TMEFF1: variants seen among roughly 807,000 people sequenced by gnomAD.
TMEFF1 encodes transmembrane protein with EGF like and two follistatin like domains 1.
In TMEFF1, 20 loss-of-function variants were observed where a neutral mutation model predicts 47.5. The observed-to-expected ratio is 0.42, with a 90% CI of 0.30 to 0.61. TMEFF1 has a LOEUF of 0.61. Ranked by LOEUF, TMEFF1 falls within the 20% of genes least tolerant of loss-of-function variation. The pLI is 0.19. For synonymous variants in TMEFF1, 162 were observed against 166.3 expected (o/e 0.97, Z 0.20); for missense variants, 411 against 471.1 (o/e 0.87, Z 1.18).
intron 5 of TMEFF1, among the ~76,000 whole-genome samples, chr9:100,539,312 A>C (rs958089813): frequency 2.0e-5 from 3 of 152,160 alleles, no homozygotes; most frequent in African/African-American, 7.2e-5. Context: ...CTGTCCCAGT[A>C]AGCTTTCCTA....
chr9:100,476,721 G>A lies in TMEFF1; in HGVS notation c.196+2981G>A, dbSNP rs187302100. Among the ~76,000 whole-genome samples the A allele has an allele frequency of 2.2e-3, 305 of 139,816 alleles. 1 individual carries two copies. The highest frequency in any genetic ancestry group is 7.7e-3 in the African/African-American group (289 of 37,428). 91.7% of individuals were successfully genotyped at this position (139,816 alleles called of 152,430 possible). ...TTCGTTTTTTTTTTTTTTTGAGACG[G>A]AGTCTCACTCTGTCACCCAGGCTGG... On this transcript the variant is annotated intron_variant, in intron 1 of 9. Transcript: ENST00000374879.
At chr9:100,497,569 T>C (rs932880164) in intron 1 of TMEFF1, among the ~76,000 whole-genome samples, 7 of 151,892 alleles carry the variant, frequency 4.6e-5, no homozygotes, top group African/African-American at 1.7e-4. Flanking sequence ...CCTCGGAGGG[T>C]GAGCTAGGAG....
chr9:100,540,716 C>T (rs2118487410), intron 5 of TMEFF1, among the ~76,000 whole-genome samples: 1 of 152,358 alleles, frequency 6.6e-6, no homozygotes. Context: ...CTTAGCTTCT[C>T]ATCCTTGCCA....
intron 5 of TMEFF1, among the ~76,000 whole-genome samples, chr9:100,542,720 T>G (rs1024089648): frequency 1.3e-5 from 2 of 152,184 alleles, no homozygotes; most frequent in African/African-American, 4.8e-5. Flanking sequence ...AATTCCACTA[T>G]GATATTTCAG....
chr9:100,548,519 A>G (rs1838776917), intron 6 of TMEFF1, among the ~76,000 whole-genome samples: 1 of 152,072 alleles, frequency 6.6e-6, no homozygotes, highest in Admixed American at 6.5e-5. Context: ...AGAGTTCCCA[A>G]TTTTCTTTCC....
intron 7 of TMEFF1, among the ~76,000 whole-genome samples, chr9:100,557,829 G>A (rs1437822661): frequency 2.1e-5 from 3 of 143,504 alleles, no homozygotes; most frequent in African/African-American, 7.7e-5. Context: ...GACCATGCAT[G>A]CTTTTTTTTT....
At chr9:100,527,996 G>A (rs542809294) in intron 5 of TMEFF1, among the ~76,000 whole-genome samples, 20 of 151,946 alleles carry the variant, frequency 1.3e-4, no homozygotes, top group African/African-American at 1.9e-4. Flanking sequence ...CACCTCACAC[G>A]GCAGGGTATT....
intron 5 of TMEFF1, among the ~76,000 whole-genome samples, chr9:100,530,694 C>G (rs2118447591): frequency 6.6e-6 from 1 of 152,288 alleles, no homozygotes; most frequent in Non-Finnish European, 1.5e-5. Context: ...TGAAACTATT[C>G]CAATCAATAG....
At chr9:100,554,012 C>T (rs1317127734) in intron 7 of TMEFF1, among the ~76,000 whole-genome samples, 1 of 152,136 alleles carries the variant, frequency 6.6e-6, no homozygotes, top group Non-Finnish European at 1.5e-5. Flanking sequence ...TATGCTCATA[C>T]AGCCTATAAT....
chr9:100,516,453 G>A (rs946563270), intron 4 of TMEFF1, among the ~76,000 whole-genome samples: 2 of 152,112 alleles, frequency 1.3e-5, no homozygotes, highest in African/African-American at 4.8e-5. Context: ...TAGTTTAAGG[G>A]ATCATTTTTC....
chr9:100,504,741 T>C (rs772284676), intron 2 of TMEFF1, among the ~76,000 whole-genome samples: 3 of 152,228 alleles, frequency 2.0e-5, no homozygotes, highest in Non-Finnish European at 4.4e-5. Flanking sequence ...TCAAACATTT[T>C]TGGCTTTATA....
At chr9:100,484,074 A>G (rs895711397) in intron 1 of TMEFF1, among the ~76,000 whole-genome samples, 1 of 152,158 alleles carries the variant, frequency 6.6e-6, no homozygotes, top group Non-Finnish European at 1.5e-5. Flanking sequence ...TCTTGAAGTT[A>G]TCATAGGACC....
chr9:100,508,060 T>G (rs1161289142), intron 2 of TMEFF1, among the ~76,000 whole-genome samples: 7 of 152,198 alleles, frequency 4.6e-5, no homozygotes, highest in Non-Finnish European at 7.3e-5. Context: ...TAGCATCTCA[T>G]CTTAGTGGAC....
In TMEFF1 at chr9:100,505,439, A is replaced by C. The variant is rs574653989; in HGVS notation, c.307-3566A>C. Among the ~76,000 whole-genome samples the C allele has an allele frequency of 2.8e-3, 416 of 150,244 alleles. 1 individual carries two copies. Among genetic ancestry groups the C allele is most frequent in the South Asian group, 0.024 (113 of 4,668 alleles). ...AAAAAAAAAAAAAAAAAAAAAAAAA[A>C]AACAACTAAAAGCAATTTCATACCA... On this transcript the variant is annotated intron_variant, in intron 2 of 9. Coordinates refer to ENST00000374879, the MANE Select transcript of TMEFF1 (RefSeq NM_003692.5).
intron 5 of TMEFF1, among the ~76,000 whole-genome samples, chr9:100,533,290 A>C (rs1838434801): frequency 6.6e-6 from 1 of 152,212 alleles, no homozygotes. Context: ...ACTTTTTAAG[A>C]ACAACTGATT....
chr9:100,507,535 A>G (rs546486903), intron 2 of TMEFF1, among the ~76,000 whole-genome samples: 229 of 152,144 alleles, frequency 1.5e-3, no homozygotes, highest in African/African-American at 5.2e-3. Context: ...ACTTTTTAAT[A>G]ATAGCCATTT....
At chr9:100,518,413 G>A (rs575268579) in intron 5 of TMEFF1, 1 of 984,966 alleles carries the variant, frequency 1.0e-6, no homozygotes, top group South Asian at 4.7e-5. Context: ...CACCACTATT[G>A]TTGCAGATAC....
At chr9:100,569,172 A>G (rs1478810428) in intron 8 of TMEFF1, among the ~76,000 whole-genome samples, 1 of 152,202 alleles carries the variant, frequency 6.6e-6, no homozygotes, top group African/African-American at 2.4e-5. Flanking sequence ...AAGTGGCTGC[A>G]CCATTTTACA....
chr9:100,509,184 T>C (rs1231470126), intron 3 of TMEFF1, 50 bp downstream of exon 3: 1 of 1,426,820 alleles, frequency 7.0e-7, no homozygotes, highest in African/African-American at 1.5e-5. Flanking sequence ...GGTGGAATCA[T>C]TTCTAAAAGG....
Sources: allele counts gnomAD v4.1 joint callset (sites outside exome capture counted in the v4.1 genomes callset), GRCh38; gene constraint gnomAD v4.1.1; transcripts MANE v1.5; gene names NCBI Gene and HGNC (gene_info 2026-07-23, HGNC 2026-07-21).